The following RAD51B variants were observed in gnomAD, a reference collection of about 807,000 sequenced individuals.
RAD51B encodes RAD51 paralog B.
RAD51B carries 38 observed loss-of-function variants against 42.2 expected under a neutral mutation model. That is an observed-to-expected ratio of 0.90 (90% CI 0.70 to 1.18). The LOEUF is 1.18. Ranked by LOEUF, RAD51B falls within the 50% of genes most tolerant of loss-of-function variation. The pLI, the probability that RAD51B is intolerant of heterozygous loss-of-function variation, is 0.00. For synonymous variants in RAD51B, 154 were observed against 145.2 expected (o/e 1.06, Z -0.43); for missense variants, 373 against 400.7 (o/e 0.93, Z 0.59).
At chr14:68,519,049 A>G (rs961916700) in intron 10 of RAD51B, among the ~76,000 whole-genome samples, 3 of 152,072 alleles carry the variant, frequency 2.0e-5, no homozygotes, top group Non-Finnish European at 4.4e-5. Flanking sequence ...ACCTTTTCCC[A>G]ACTTCACAAT....
chr14:68,441,503 C>T (rs1424040454), intron 9 of RAD51B, among the ~76,000 whole-genome samples: 1 of 121,572 alleles, frequency 8.2e-6, no homozygotes, highest in Non-Finnish European at 1.6e-5. Context: ...GATGGCGCCA[C>T]TGCACTCCAG....
At chr14:68,420,517 G>A (rs910287472) in intron 9 of RAD51B, among the ~76,000 whole-genome samples, 1 of 152,132 alleles carries the variant, frequency 6.6e-6, no homozygotes, top group Non-Finnish European at 1.5e-5. Context: ...CCAGAACTGG[G>A]CGTTCCTCCC....
chr14:67,928,614 A>G (rs778327557), intron 7 of RAD51B, among the ~76,000 whole-genome samples: 1 of 151,916 alleles, frequency 6.6e-6, no homozygotes, highest in Non-Finnish European at 1.5e-5. Context: ...CGGCCATGAC[A>G]CTTGGTACTT....
chr14:68,439,013 T>G (rs982992932), intron 9 of RAD51B, among the ~76,000 whole-genome samples: 2 of 152,214 alleles, frequency 1.3e-5, no homozygotes, highest in Non-Finnish European at 2.9e-5. Context: ...ATCCGCTCCC[T>G]GCCCTTCCCC....
chr14:68,645,403 A>G (rs1892544010), intron 10 of RAD51B, among the ~76,000 whole-genome samples: 1 of 152,216 alleles, frequency 6.6e-6, no homozygotes, highest in African/African-American at 2.4e-5. Context: ...ATTCATCGAC[A>G]GACAGTTAGG....
chr14:68,181,058 T>A (rs2079053258), intron 7 of RAD51B, among the ~76,000 whole-genome samples: 1 of 152,258 alleles, frequency 6.6e-6, no homozygotes, highest in Non-Finnish European at 1.5e-5. Flanking sequence ...CATCAATGTT[T>A]GGATGCTCTT....
intron 10 of RAD51B, among the ~76,000 whole-genome samples, chr14:68,566,188 T>C (rs1320370168): frequency 6.6e-6 from 1 of 152,188 alleles, no homozygotes; most frequent in Non-Finnish European, 1.5e-5. Flanking sequence ...CTCTGTGAGG[T>C]CGGGGAGTGT....
chr14:68,630,992 C>G (rs1595037688), intron 10 of RAD51B, among the ~76,000 whole-genome samples: 1 of 152,134 alleles, frequency 6.6e-6, no homozygotes, highest in East Asian at 1.9e-4. Flanking sequence ...AGTGCTGATT[C>G]TCATGATAAG....
At chr14:68,441,953 A>C (rs983264497) in intron 9 of RAD51B, among the ~76,000 whole-genome samples, 8 of 152,210 alleles carry the variant, frequency 5.3e-5, no homozygotes, top group African/African-American at 1.7e-4. Context: ...TTCCTCTTGT[A>C]ATACTTCTTG....
At chr14:68,391,591 C>T (rs796577533) in intron 8 of RAD51B, among the ~76,000 whole-genome samples, 2 of 152,240 alleles carry the variant, frequency 1.3e-5, no homozygotes, top group South Asian at 4.1e-4. Flanking sequence ...GAGCTTACAA[C>T]CAGTTGCCTT....
At chr14:68,005,997 T>C (rs557903936) in intron 7 of RAD51B, among the ~76,000 whole-genome samples, 8 of 152,126 alleles carry the variant, frequency 5.3e-5, no homozygotes, top group Non-Finnish European at 1.0e-4. Flanking sequence ...GTGATAACAC[T>C]TTTAAACAAC....
At chr14:68,546,889 T>G (rs1047784023) in intron 10 of RAD51B, among the ~76,000 whole-genome samples, 1 of 152,196 alleles carries the variant, frequency 6.6e-6, no homozygotes, top group Admixed American at 6.5e-5. Context: ...GGCAAACTCT[T>G]GGCAATTCTG....
intron 7 of RAD51B, among the ~76,000 whole-genome samples, chr14:68,040,200 C>T (rs1325618463): frequency 6.6e-6 from 1 of 152,128 alleles, no homozygotes; most frequent in African/African-American, 2.4e-5. Context: ...AATTGAACTG[C>T]GTTTAAACTC....
At chr14:68,396,098 G>C (rs188917841) in intron 8 of RAD51B, among the ~76,000 whole-genome samples, 1 of 152,246 alleles carries the variant, frequency 6.6e-6, no homozygotes, top group African/African-American at 2.4e-5. Context: ...CACGGGCACC[G>C]GCAGAGTTGG....
intron 5 of RAD51B, among the ~76,000 whole-genome samples, chr14:67,869,990 T>G (rs1316636072): frequency 6.6e-6 from 1 of 151,036 alleles, no homozygotes. Context: ...CATGCCAAAA[T>G]GTAAAGACCA....
chr14:68,370,552 G>A (rs1020897711), intron 8 of RAD51B, among the ~76,000 whole-genome samples: 1 of 152,176 alleles, frequency 6.6e-6, no homozygotes, highest in Admixed American at 6.5e-5. Context: ...GGCCTGCTCT[G>A]TAGGAGTATA....
intron 7 of RAD51B, among the ~76,000 whole-genome samples, chr14:68,265,657 C>T (rs567848974): frequency 1.7e-4 from 26 of 152,222 alleles, no homozygotes; most frequent in African/African-American, 6.0e-4. Context: ...GAGGCTGAGG[C>T]AGGAGAATCA....
intron 10 of RAD51B, among the ~76,000 whole-genome samples, chr14:68,510,087 A>G (rs954377369): frequency 4.6e-5 from 7 of 152,020 alleles, no homozygotes; most frequent in Non-Finnish European, 1.0e-4. Flanking sequence ...GAGTGATCCC[A>G]GGCTCCTTCA....
intron 10 of RAD51B, chr14:68,497,300 C>A: frequency 7.9e-7 from 1 of 1,273,054 alleles, no homozygotes; most frequent in African/African-American, 1.5e-5. Flanking sequence ...TCATGGAATT[C>A]TAGAGGATGT....
Sources: gnomAD v4.1 joint callset for allele counts (sites outside exome capture counted in the v4.1 genomes callset) on GRCh38, gnomAD v4.1.1 for gene constraint, MANE v1.5 for transcripts, NCBI Gene and HGNC (gene_info 2026-07-23, HGNC 2026-07-21) for gene names.